The following ARHGEF9 variants were observed in gnomAD, a reference collection of about 807,000 sequenced individuals.
ARHGEF9 encodes rho guanine nucleotide exchange factor 9.
Under a neutral mutation model 41.3 loss-of-function variants are expected in ARHGEF9, and 2 were observed. That is an observed-to-expected ratio of 0.05 (90% CI 0.02 to 0.15). The LOEUF (loss-of-function observed/expected upper bound fraction) is 0.15, where lower values mean the gene tolerates loss of function less well. ARHGEF9 is among the 10% of genes least tolerant of loss of function. ARHGEF9 has a pLI of 1.00. For missense variants in ARHGEF9, 225 were observed against 424.7 expected (o/e 0.53, Z 4.13); for synonymous variants, 160 against 154.4 (o/e 1.04, Z -0.27).
chrX:63,690,148 C>T (rs1410497562), intron 4 of ARHGEF9, among the ~76,000 whole-genome samples: 1 of 110,870 alleles, frequency 9.0e-6, no homozygotes, highest in Non-Finnish European at 1.9e-5. Context: ...ATAACAAACA[C>T]CAGAGCAGAA....
chrX:63,679,615 G>A lies in ARHGEF9; in HGVS notation c.583-1043C>T, dbSNP rs189711717. Among the ~76,000 whole-genome samples, 19 of 111,815 alleles carry A rather than the reference G, an allele frequency of 1.7e-4. No individual in the cohort carries two copies. The South Asian group carries it at 2.2e-3, about 13-fold the overall frequency. ...ATTAAAGGAGAAAAATTACATGATC[G>A]TTTCAATAATGCTGAATAAGCATTT... On this transcript the variant is annotated intron_variant, in intron 4 of 9. Transcript: ENST00000671741.
At chrX:63,723,666 T>C (rs1246451272) in intron 2 of ARHGEF9, among the ~76,000 whole-genome samples, 2 of 112,013 alleles carry the variant, frequency 1.8e-5, no homozygotes, top group Non-Finnish European at 3.8e-5. Context: ...GAGCTCAAAA[T>C]AGTCAAATAG....
At chrX:63,650,115 A>G (rs1297736187) in intron 8 of ARHGEF9, among the ~76,000 whole-genome samples, 2 of 111,752 alleles carry the variant, frequency 1.8e-5, no homozygotes, top group Non-Finnish European at 3.8e-5. Context: ...GAAAAACAGT[A>G]GAAAAGTTCC....
intron 4 of ARHGEF9, among the ~76,000 whole-genome samples, chrX:63,695,668 C>T (rs2051694266): frequency 8.9e-6 from 1 of 112,083 alleles, no homozygotes; most frequent in South Asian, 3.7e-4. Flanking sequence ...AATATTTCCC[C>T]TTGACTGGCA....
chrX:63,730,629 G>T (rs1161488442), intron 1 of ARHGEF9, among the ~76,000 whole-genome samples: 1 of 111,924 alleles, frequency 8.9e-6, no homozygotes, highest in African/African-American at 3.3e-5. Flanking sequence ...TGATACTGAT[G>T]CTGCTGGTCT....
chrX:63,748,404 G>T (rs1362224400), intron 1 of ARHGEF9, among the ~76,000 whole-genome samples: 1 of 112,180 alleles, frequency 8.9e-6, no homozygotes, highest in African/African-American at 3.2e-5. Flanking sequence ...CAAACAAATA[G>T]AATTTAACTG....
intron 1 of ARHGEF9, among the ~76,000 whole-genome samples, chrX:63,730,961 C>G (rs782717053): frequency 2.2e-4 from 25 of 112,155 alleles, no homozygotes; most frequent in Admixed American, 2.2e-3. Flanking sequence ...CCCTCTAGTT[C>G]AACAGCACCA....
intron 3 of ARHGEF9, among the ~76,000 whole-genome samples, chrX:63,699,334 G>C (rs1450106768): frequency 9.0e-6 from 1 of 111,715 alleles, no homozygotes; most frequent in Non-Finnish European, 1.9e-5. Context: ...AGACAGAAGA[G>C]GGCAGCGTAG....
At chrX:63,719,975 T>C in intron 2 of ARHGEF9, 2 of 263,694 alleles carry the variant, frequency 7.6e-6, no homozygotes, top group African/African-American at 5.5e-5. Context: ...AAAAGGAAGT[T>C]TCTTTGGGGA....
intron 1 of ARHGEF9, among the ~76,000 whole-genome samples, chrX:63,735,668 C>T (rs782574103): frequency 2.4e-4 from 27 of 111,235 alleles, no homozygotes; most frequent in Admixed American, 9.5e-4. Flanking sequence ...GCTCCTATAT[C>T]TAGAGATGAA....
chrX:63,767,637 T>C (rs782026294), intron 1 of ARHGEF9, among the ~76,000 whole-genome samples: 5 of 112,315 alleles, frequency 4.5e-5, no homozygotes, highest in Non-Finnish European at 9.4e-5. Context: ...GTTGAGAAGA[T>C]TGTATTAGAT....
At chrX:63,673,673 G>A (rs782406868) in intron 6 of ARHGEF9, among the ~76,000 whole-genome samples, 2 of 110,875 alleles carry the variant, frequency 1.8e-5, no homozygotes, top group South Asian at 3.9e-4. Context: ...AACCAACCTC[G>A]TATTCTGTGT....
intron 1 of ARHGEF9, chrX:63,727,216 T>A (rs1427976617): frequency 8.9e-6 from 1 of 112,014 alleles, no homozygotes; most frequent in African/African-American, 3.2e-5. Context: ...CTATCTGTGG[T>A]GCTCTTTGAG....
intron 7 of ARHGEF9, chrX:63,656,674 C>T (rs1159232115): frequency 1.0e-4 from 11 of 110,547 alleles, no homozygotes; most frequent in African/African-American, 3.0e-4. Context: ...CAAAAAAATG[C>T]CACATAATGT....
chrX:63,678,199 T>A (rs1311027272), intron 5 of ARHGEF9, 141 bp downstream of exon 5: 2 of 548,416 alleles, frequency 3.6e-6, no homozygotes, highest in Admixed American at 5.4e-5. Context: ...CTGTTGGCTA[T>A]GAGGCAATCA....
chrX:63,710,951 A>C (rs1753052661), intron 2 of ARHGEF9, among the ~76,000 whole-genome samples: 2 of 111,674 alleles, frequency 1.8e-5, no homozygotes, highest in South Asian at 3.7e-4. Context: ...CCAAAAAAAA[A>C]CCTTTTATAA....
intron 4 of ARHGEF9, among the ~76,000 whole-genome samples, chrX:63,690,371 A>C (rs1244407621): frequency 3.6e-5 from 4 of 111,669 alleles, no homozygotes; most frequent in African/African-American, 1.3e-4. Context: ...CAGGCAAACA[A>C]ATTGGAAAAC....
intron 5 of ARHGEF9, among the ~76,000 whole-genome samples, chrX:63,676,669 C>T (rs782495562): frequency 2.7e-5 from 3 of 111,860 alleles, no homozygotes; most frequent in Non-Finnish European, 3.8e-5. Flanking sequence ...AGTGCTCCTG[C>T]TCTTTGGACC....
intron 2 of ARHGEF9, among the ~76,000 whole-genome samples, chrX:63,710,227 A>G (rs2052827244): frequency 9.5e-6 from 1 of 105,623 alleles, no homozygotes; most frequent in Non-Finnish European, 1.9e-5. Flanking sequence ...AGAAAATCTG[A>G]GAAGACCTAT....
Sources: allele counts gnomAD v4.1 joint callset (sites outside exome capture counted in the v4.1 genomes callset), GRCh38; gene constraint gnomAD v4.1.1; transcripts MANE v1.5; gene names NCBI Gene and HGNC (gene_info 2026-07-23, HGNC 2026-07-21).